RAB11FIP5: variants seen among roughly 807,000 people sequenced by gnomAD.
RAB11FIP5 encodes rab11 family-interacting protein 5.
Under a neutral mutation model 85.1 loss-of-function variants are expected in RAB11FIP5, and 48 were observed. The observed-to-expected ratio is 0.56, with a 90% CI of 0.45 to 0.72. RAB11FIP5 has a LOEUF of 0.72. Among genes scored for constraint, RAB11FIP5 ranks in the 30% least tolerant of loss-of-function variants. The pLI is 0.00. For missense variants in RAB11FIP5, 1,491 were observed against 1,687.0 expected, an observed-to-expected ratio of 0.88 and a Z score of 2.04; for synonymous variants, 729 against 727.3, an observed-to-expected ratio of 1.00 and a Z score of -0.04.
Position 73,080,693 on chromosome 2 carries a change from C to A in RAB11FIP5, c.2539G>T (p.Ala847Ser). The change falls in exon 4 of 6, where the codon GCC becomes TCC. Residue 847 changes from alanine to serine, a missense_variant. Ala to Ser is a moderately conservative substitution (Grantham distance 99). Around this residue, in one of 3 missense-constraint regions of RAB11FIP5, gnomAD observed 1,211 missense variants for 1,338.0 expected, o/e 0.91. Coordinates refer to ENST00000486777, the MANE Select transcript of RAB11FIP5 (RefSeq NM_001371272.1). The stretch of plus-strand genomic sequence containing the variant: ...GACTCTCCCCGAAAGACTAGTGAGG[C>A]TGTCTCAGCTGCAGGAGAAATGGTG... Reference protein sequence around the residue: ...VVTISPAAETASLVFRGESDE... With the variant: ...VVTISPAAETSSLVFRGESDE... 1 of 1,232,548 alleles carries A rather than the reference C, an allele frequency of 8.1e-7. No individual in the cohort carries two copies. The highest frequency in any genetic ancestry group is 1.0e-6 in the Non-Finnish European group (1 of 988,108). The allele number at this position is 1,232,548 out of a possible 1,614,324, so 76.4% of individuals were successfully genotyped here.
chr2:73,112,482 G>C lies in RAB11FIP5; in HGVS notation c.296C>G (p.Ala99Gly). ...CTCGCAGGCGGCGGCGGAGCTCGCG[G>C]CCCAGGGCGCCGGGCCCGCGTCGGC... ...QEADAGPAPW[A>G]ASSAAACELV... The change falls in exon 1 of 6, where the codon GCC becomes GGC. Residue 99 changes from alanine (A) to glycine (G), a missense_variant. Around this residue, in one of 3 missense-constraint regions of RAB11FIP5, gnomAD observed 1,211 missense variants for 1,338.0 expected, o/e 0.91. Transcript: ENST00000486777. The C allele has an allele frequency of 6.7e-7, 1 of 1,485,088 alleles. No homozygotes were observed. The highest frequency in any genetic ancestry group is 8.9e-7 in the Non-Finnish European group (1 of 1,122,954). 92.0% of individuals were successfully genotyped at this position (1,485,088 alleles called of 1,614,324 possible). A position where few individuals can be genotyped will look rare whatever the true frequency, so the allele number is the denominator to read the frequency against.
At position 73,086,749 on chromosome 2, in the gene RAB11FIP5, C is replaced by T. The variant is rs567877790; in HGVS notation, c.1568+1301G>A. Among the ~76,000 whole-genome samples the T allele has an allele frequency of 7.2e-5, 11 of 152,260 alleles. No homozygotes were observed. The highest frequency in any genetic ancestry group is 5.9e-4 in the Admixed American group (9 of 15,304). ...CCTTCTTCCCAATCTTCCCCTAGGC[C>T]GCAGATGGCCAGCAGCTCACCTGAG... On this transcript the variant is annotated intron_variant, in intron 3 of 5. Coordinates refer to ENST00000486777, the MANE Select transcript of RAB11FIP5 (RefSeq NM_001371272.1). The surrounding 1 kb of genome is among the most constrained non-coding windows in gnomAD (Gnocchi z 4.4).
At chr2:73,104,519 G>C (rs2106123050) in intron 1 of RAB11FIP5, among the ~76,000 whole-genome samples, 1 of 152,330 alleles carries the variant, frequency 6.6e-6, no homozygotes, top group African/African-American at 2.4e-5. Context: ...AGTGAGCCAA[G>C]ATCACACCAT....
rs189450864 is a variant in RAB11FIP5 at position 73,075,065 on chromosome 2, G to A, written c.*456C>T. 5 of 364,656 alleles carry A rather than the reference G, an allele frequency of 1.4e-5. No individual in the cohort carries two copies. The highest frequency in any genetic ancestry group is 3.7e-5 in the Admixed American group (1 of 26,936). The allele number at this position is 364,656 out of a possible 1,614,324, so 22.6% of individuals were successfully genotyped here. On this transcript the variant is annotated 3_prime_UTR_variant, in exon 6 of 6. Transcript: ENST00000486777. The surrounding 1 kb of genome is among the most constrained non-coding windows in gnomAD (Gnocchi z 4.6). ...AACAGGCAGCGTGGTCATTGTCCCA[G>A]TAATACTAGAAGCCCCTCCAGGGAC...
intron 4 of RAB11FIP5, 47 bp from the exon 5 acceptor site, chr2:73,076,229 C>A: frequency 6.6e-7 from 1 of 1,508,306 alleles, no homozygotes; most frequent in Non-Finnish European, 9.1e-7. Flanking sequence ...AAGGGTGGCA[C>A]GGGTCAAAGG....
At chr2:73,082,503 T>C (rs773811021) in intron 3 of RAB11FIP5, among the ~76,000 whole-genome samples, 8 of 152,144 alleles carry the variant, frequency 5.3e-5, no homozygotes, top group East Asian at 1.9e-4. Flanking sequence ...CGGGCTGTCA[T>C]TGGGTGTGAC....
At chr2:73,091,369 G>A (rs1684206405) in intron 1 of RAB11FIP5, among the ~76,000 whole-genome samples, 1 of 152,170 alleles carries the variant, frequency 6.6e-6, no homozygotes, top group African/African-American at 2.4e-5. Flanking sequence ...AATCGAGCAT[G>A]AAGGTGGAAT....
chr2:73,102,524 A>C (rs1415256360), intron 1 of RAB11FIP5, among the ~76,000 whole-genome samples: 1 of 152,230 alleles, frequency 6.6e-6, no homozygotes, highest in African/African-American at 2.4e-5. Context: ...CTAGGACAGG[A>C]ACAATGGGGA....
At chr2:73,100,800 G>GT (rs762866401) in intron 1 of RAB11FIP5, among the ~76,000 whole-genome samples, 7 of 150,698 alleles carry the variant, frequency 4.6e-5, no homozygotes, top group Non-Finnish European at 7.4e-5. Context: ...GTGTTTTTTT[G>GT]TTTTTTTGTT....
chr2:73,076,222 G>C (rs754775626), intron 4 of RAB11FIP5, 40 bp from the exon 5 acceptor site: 1 of 1,519,676 alleles, frequency 6.6e-7, no homozygotes, highest in South Asian at 1.1e-5. Flanking sequence ...CAGAGAGAAG[G>C]GTGGCACGGG....
Position 73,081,552 on chromosome 2 carries a change from C to A in RAB11FIP5, c.1680G>T (p.Met560Ile). 6 of 1,211,476 alleles carry A rather than the reference C, an allele frequency of 5.0e-6. No homozygotes were observed. The highest frequency in any genetic ancestry group is 6.2e-6 in the Non-Finnish European group (6 of 969,092). The allele number at this position is 1,211,476 out of a possible 1,614,324, so 75.0% of individuals were successfully genotyped here. A position where few individuals can be genotyped will look rare whatever the true frequency, so the allele number is the denominator to read the frequency against. ...CGGCTGCAAAAAGGTTAGTGCTTAG[C>A]ATGGGAGCAGCAGTGGGAGCAGGAG... Reference protein sequence around the residue: ...PPTPAPTAAPMLSTNLFAAAS... With the variant: ...PPTPAPTAAPILSTNLFAAAS... The change falls in exon 4 of 6, where the codon ATG becomes ATT. Residue 560 changes from methionine to isoleucine, a missense_variant. By Grantham distance (10) the Met-to-Ile change is conservative. This residue lies in a region of RAB11FIP5 where 1,211 missense variants were observed against 1,338.0 expected (regional missense o/e 0.91). Transcript: ENST00000486777. The surrounding 1 kb of genome is among the most constrained non-coding windows in gnomAD (Gnocchi z 4.2).
chr2:73,076,064 T>G lies in RAB11FIP5; in HGVS notation c.3700A>C (p.Thr1234Pro). The part of the protein sequence containing the change: ...SSGLEKLKTV[T>P]SGSIQPVTQA... ...GTCACAGGCTGAATGCTCCCAGATG[T>G]GACTGTTTTGAGCTTCTCCAGCCCA... The change falls in exon 5 of 6, where the codon ACA becomes CCA. Residue 1234 changes from threonine (T) to proline (P), a missense_variant. Thr to Pro is a conservative substitution (Grantham distance 38, BLOSUM62 -1). This residue lies in a region of RAB11FIP5 where 232 missense variants were observed against 259.1 expected (regional missense o/e 0.90). Coordinates refer to ENST00000486777, the MANE Select transcript of RAB11FIP5 (RefSeq NM_001371272.1). 2 of 1,614,126 alleles carry G rather than the reference T, an allele frequency of 1.2e-6. No homozygotes were observed. The highest frequency in any genetic ancestry group is 1.7e-6 in the Non-Finnish European group (2 of 1,179,982).
intron 1 of RAB11FIP5, among the ~76,000 whole-genome samples, chr2:73,093,868 C>T (rs1684269079): frequency 6.6e-6 from 1 of 152,202 alleles, no homozygotes; most frequent in South Asian, 2.1e-4. Context: ...TGCCTGCAAT[C>T]CCAGCACTTT....
chr2:73,076,312 A>G, intron 4 of RAB11FIP5, 130 bp from the exon 5 acceptor site: 1 of 908,872 alleles, frequency 1.1e-6, no homozygotes, highest in South Asian at 1.6e-5. Flanking sequence ...AGCTGCCCCT[A>G]CAGAGTCAAG....
chr2:73,089,230 G>C lies in RAB11FIP5; in HGVS notation c.517C>G (p.Leu173Val), dbSNP rs1174310221. The change falls in exon 2 of 6, where the codon CTG becomes GTG. Residue 173 changes from leucine to valine, a missense_variant. This residue lies in a region of RAB11FIP5 where 1,211 missense variants were observed against 1,338.0 expected (regional missense o/e 0.91). Coordinates refer to ENST00000486777, the MANE Select transcript of RAB11FIP5 (RefSeq NM_001371272.1). This position sits in a 1 kb window ranked among gnomAD's most constrained non-coding sequence, Gnocchi z 4.6. ...EVTIQFTRNN[L>V]SASMFDLSMK... is the part of the protein sequence containing the mutation. ...GACAGGTCAAACATACTGGCGCTCAGGTTGTTGCGCGTGAACTGGATGGTG... is the reference window on the plus strand; with the variant it reads ...GACAGGTCAAACATACTGGCGCTCACGTTGTTGCGCGTGAACTGGATGGTG... 6.2e-7 allele frequency: 1 copy of C among 1,614,180 alleles called. No homozygotes were observed. Among genetic ancestry groups the C allele is most frequent in the South Asian group, 1.1e-5 (1 of 91,090 alleles).
rs549382394 is a variant in RAB11FIP5 at position 73,100,543 on chromosome 2, A to C, written c.432-11228T>G. Among the ~76,000 whole-genome samples, 10 of 149,894 alleles carry C rather than the reference A, an allele frequency of 6.7e-5. No homozygotes were observed. The South Asian group carries it at 2.1e-3, about 31-fold the overall frequency. On this transcript the variant is annotated intron_variant, in intron 1 of 5. Transcript: ENST00000486777. ...CAGGTTCAAGCAATTCTTATGCCTC[A>C]GCCTCCTGAGTAGCTGGGATTAAAG...
intron 4 of RAB11FIP5, among the ~76,000 whole-genome samples, chr2:73,077,151 C>T (rs1182870475): frequency 6.6e-6 from 1 of 152,212 alleles, no homozygotes; most frequent in African/African-American, 2.4e-5. Context: ...GGACTCTAGA[C>T]CTGCAGAGTC....
intron 1 of RAB11FIP5, among the ~76,000 whole-genome samples, chr2:73,109,658 G>A (rs1043985289): frequency 6.6e-6 from 1 of 152,152 alleles, no homozygotes; most frequent in Non-Finnish European, 1.5e-5. Flanking sequence ...GGACTGCAGA[G>A]GCCTCTCAAG....
chr2:73,090,106 G>C (rs150659122), intron 1 of RAB11FIP5, among the ~76,000 whole-genome samples: 1 of 152,194 alleles, frequency 6.6e-6, no homozygotes, highest in Non-Finnish European at 1.5e-5. Context: ...AAAAGCATAT[G>C]AGGTAAGAGG....
Sources: allele counts gnomAD v4.1 joint callset (sites outside exome capture counted in the v4.1 genomes callset), GRCh38; gene constraint gnomAD v4.1.1; regional missense constraint gnomAD v4.1.1; non-coding constraint Gnocchi (gnomAD v3.1); transcripts MANE v1.5; gene names NCBI Gene and HGNC (gene_info 2026-07-23, HGNC 2026-07-21).